DPM1: variants seen among roughly 807,000 people sequenced by gnomAD.
DPM1 encodes dolichyl-phosphate mannosyltransferase subunit 1, catalytic, also known as dolichol-phosphate mannosyltransferase subunit 1.
Under a neutral mutation model 39.0 loss-of-function variants are expected in DPM1, and 27 were observed. That is an observed-to-expected ratio of 0.69 (90% CI 0.51 to 0.95). The LOEUF (loss-of-function observed/expected upper bound fraction) is 0.95, where lower values mean the gene tolerates loss of function less well. Ranked by LOEUF, DPM1 falls within the 40% of genes least tolerant of loss-of-function variation. DPM1 has a pLI of 0.00. For missense variants in DPM1, 307 were observed against 315.6 expected (o/e 0.97, Z 0.21); for synonymous variants, 124 against 109.0 (o/e 1.14, Z -0.86).
intron 8 of DPM1, 100 bp from the exon 9 acceptor site, chr20:50,935,336 A>G: frequency 1.3e-6 from 1 of 759,870 alleles, no homozygotes; most frequent in African/African-American, 1.8e-5. Flanking sequence ...GATTAGTCCT[A>G]CAACAGAGGT....
rs369538517 is a variant in DPM1, at chr20:50,935,231, T to C, written c.684A>G (p.Pro228=). Residue 228 remains proline (P), a synonymous_variant, in exon 9 of 9, where the codon CCA becomes CCG. Transcript: ENST00000371588. The part of the protein sequence containing the change: ...RQLNYTIGEV[P]ISFVDRVYGE... ...CATAAACACGATCCACAAATGATAT[T>C]GGAACCTAGTTTAAAAAAAAAAAAG... 4.2e-5 allele frequency: 66 copies of C among 1,578,484 alleles called. No homozygotes were observed. In the Middle Eastern group the frequency reaches 6.7e-4, roughly 16 times the overall value.
chr20:50,945,988 C>T, intron 3 of DPM1, 65 bp from the exon 4 acceptor site: 1 of 1,409,322 alleles, frequency 7.1e-7, no homozygotes, highest in Non-Finnish European at 1.0e-6. Flanking sequence ...ATTTGAACAT[C>T]AAGGAAATTG....
intron 7 of DPM1, among the ~76,000 whole-genome samples, chr20:50,939,635 T>A (rs1985537354): frequency 6.9e-6 from 1 of 145,174 alleles, no homozygotes; most frequent in Non-Finnish European, 1.5e-5. Context: ...TGGCTTTTTT[T>A]TGACAGTCTT....
rs1348483043 is a variant in DPM1, at chr20:50,958,458, T to G, written c.66A>C (p.Pro22=). The change falls in exon 1 of 9, where the codon CCA becomes CCC. Residue 22 remains proline, a synonymous_variant. Coordinates refer to ENST00000371588, the MANE Select transcript of DPM1 (RefSeq NM_003859.3). The part of the protein sequence containing the change: ...RSRRELEVRS[P]RQNKYSVLLP... ...AAAGCACCGAATATTTGTTCTGTCG[T>G]GGACTGCGCACTTCCAGCTCCCGCC... 1.2e-6 allele frequency: 2 copies of G among 1,613,936 alleles called. No homozygotes were observed. The highest frequency in any genetic ancestry group is 2.2e-5 in the East Asian group (1 of 44,872).
intron 7 of DPM1, among the ~76,000 whole-genome samples, chr20:50,938,129 G>GT (rs1985373149): frequency 1.3e-5 from 2 of 152,212 alleles, no homozygotes; most frequent in South Asian, 4.1e-4. Flanking sequence ...ACTGTGGCTA[G>GT]TAAAATAAAA....
At chr20:50,951,075 T>A (rs1986550414) in intron 2 of DPM1, among the ~76,000 whole-genome samples, 1 of 152,098 alleles carries the variant, frequency 6.6e-6, no homozygotes, top group Non-Finnish European at 1.5e-5. Context: ...CAATACCCAA[T>A]AATAAAATAA....
At chr20:50,936,523 A>G (rs1425196901) in intron 7 of DPM1, among the ~76,000 whole-genome samples, 1 of 152,234 alleles carries the variant, frequency 6.6e-6, no homozygotes, top group African/African-American at 2.4e-5. Flanking sequence ...CCACCATACT[A>G]TCAGAAATTA....
chr20:50,935,279 T>C (rs1163590300), intron 8 of DPM1, 43 bp from the exon 9 acceptor site: 1 of 1,231,420 alleles, frequency 8.1e-7, no homozygotes, highest in African/African-American at 1.5e-5. Flanking sequence ...TTAAAAACAA[T>C]TAGGCAGCTT....
intron 3 of DPM1, among the ~76,000 whole-genome samples, chr20:50,948,207 T>C (rs1263659343): frequency 6.6e-6 from 1 of 152,180 alleles, no homozygotes; most frequent in African/African-American, 2.4e-5. Context: ...CCCACAGTTC[T>C]AGCTCCTGCC....
At chr20:50,939,168 AC>A (rs979974840) in intron 7 of DPM1, among the ~76,000 whole-genome samples, 1 of 151,118 alleles carries the variant, frequency 6.6e-6, no homozygotes, top group Admixed American at 6.6e-5. Context: ...AACCACCCTC[AC>A]CCCATTCCTC....
At chr20:50,944,170 G>A (rs1486899221) in intron 5 of DPM1, among the ~76,000 whole-genome samples, 1 of 152,186 alleles carries the variant, frequency 6.6e-6, no homozygotes, top group African/African-American at 2.4e-5. Context: ...TATTGGTACT[G>A]GATATTACTA....
intron 6 of DPM1, chr20:50,941,169 C>T (rs1179568993): frequency 1.1e-4 from 50 of 476,130 alleles, no homozygotes; most frequent in Middle Eastern, 3.5e-4. Context: ...TCACTTGAGC[C>T]CAGGAGTGAC....
chr20:50,941,246 ATATATATATATATAT>A lies in DPM1; in HGVS notation c.495-328_495-314del, dbSNP rs1347440278. 5 of 167,450 alleles carry A rather than the reference ATATATATATATATAT, an allele frequency of 3.0e-5. 1 individual carries two copies. The highest frequency in any genetic ancestry group is 1.5e-4 in the African/African-American group (5 of 33,608). 10.4% of individuals were successfully genotyped at this position (167,450 alleles called of 1,614,324 possible). ...AAAGTGAATATATATATATATATATATATATATATATATATATAAATAAAATACATTCATATAATA... is the reference window on the plus strand; with the variant it reads ...AAAGTGAATATATATATATATATATAATAAATAAAATACATTCATATAATA... On this transcript the variant is annotated intron_variant, in intron 6 of 8. Coordinates refer to ENST00000371588, the MANE Select transcript of DPM1 (RefSeq NM_003859.3).
intron 5 of DPM1, chr20:50,945,283 GTTGTGTGTGTGT>G (rs1238403410): frequency 3.4e-5 from 3 of 87,244 alleles, no homozygotes; most frequent in Admixed American, 1.2e-4. Flanking sequence ...TCAAATGTGT[GTTGTGTGTGTGT>G]GTGTGTGTGT....
intron 1 of DPM1, 25 bp from the exon 2 acceptor site, chr20:50,955,310 T>A (rs766009810): frequency 1.4e-6 from 2 of 1,478,464 alleles, no homozygotes; most frequent in Non-Finnish European, 9.4e-7. Context: ...TTTGTATTAA[T>A]GACTGATGAC....
rs563516504 is a variant in DPM1, at chr20:50,943,977, T to C, written c.398+1760A>G. On this transcript the variant is annotated intron_variant, in intron 5 of 8. Transcript: ENST00000371588. ...GGATGGTCTCGATCTCCTGACCTCG[T>C]GATCCGCCCGCCTCGGCCCCCCAAA... Among the ~76,000 whole-genome samples, 275 of 152,194 alleles carry C rather than the reference T, an allele frequency of 1.8e-3. 1 individual carries two copies. Among genetic ancestry groups the C allele is most frequent in the Admixed American group, 2.1e-3 (32 of 15,276 alleles).
intron 2 of DPM1, among the ~76,000 whole-genome samples, chr20:50,953,805 C>T (rs1986700036): frequency 1.3e-5 from 2 of 152,176 alleles, no homozygotes; most frequent in Non-Finnish European, 2.9e-5. Context: ...AATGGCAGCA[C>T]ATAACTCAAA....
intron 2 of DPM1, among the ~76,000 whole-genome samples, chr20:50,954,684 C>T (rs1174617678): frequency 6.6e-6 from 1 of 152,168 alleles, no homozygotes; most frequent in Non-Finnish European, 1.5e-5. Flanking sequence ...TCTACTTTCA[C>T]AAGACTATTC....
intron 3 of DPM1, among the ~76,000 whole-genome samples, chr20:50,946,838 G>C (rs1986315613): frequency 6.6e-6 from 1 of 152,212 alleles, no homozygotes; most frequent in African/African-American, 2.4e-5. Context: ...TTGGGAGGCT[G>C]AGATGGGTGG....
Sources: gnomAD v4.1 joint callset for allele counts (sites outside exome capture counted in the v4.1 genomes callset) on GRCh38, gnomAD v4.1.1 for gene constraint, MANE v1.5 for transcripts, NCBI Gene and HGNC (gene_info 2026-07-23, HGNC 2026-07-21) for gene names.